The following CASD1 variants were observed in gnomAD, a reference collection of about 807,000 sequenced individuals.
The protein encoded by CASD1 is CAS1 domain sialic acid O acetyltransferase 1.
CASD1 carries 41 observed loss-of-function variants against 100.0 expected under a neutral mutation model. The ratio of observed to expected loss-of-function variants is 0.41; its 90% confidence interval spans 0.32 to 0.53. The LOEUF is 0.53. CASD1 is among the 20% of genes least tolerant of loss of function. The pLI is 0.25. For synonymous variants in CASD1, 321 were observed against 315.6 expected, an observed-to-expected ratio of 1.02 and a Z score of -0.18; for missense variants, 774 against 948.7, an observed-to-expected ratio of 0.82 and a Z score of 2.42.
chr7:94,523,502 G>A (rs1161150133), intron 3 of CASD1, among the ~76,000 whole-genome samples: 3 of 152,178 alleles, frequency 2.0e-5, no homozygotes, highest in Non-Finnish European at 4.4e-5. Context: ...AACAGCAAAT[G>A]TGGAAGATCT....
the CASD1 span, chr7:94,618,784 T>C: frequency 1.1e-5 from 17 of 1,613,898 alleles, no homozygotes; most frequent in East Asian, 3.6e-4. Flanking sequence ...TAATGGGAAG[T>C]GGCACCCTGC....
At chr7:94,561,348 C>T (rs1393479771), downstream of CASD1, among the ~76,000 whole-genome samples, 1 of 152,162 alleles carries the variant, frequency 6.6e-6, no homozygotes, top group Non-Finnish European at 1.5e-5. Flanking sequence ...CACAGAAGGT[C>T]ACTTCATTCA....
chr7:94,553,392 TG>T (rs1796041666), intron 16 of CASD1, among the ~76,000 whole-genome samples: 1 of 152,188 alleles, frequency 6.6e-6, no homozygotes. Context: ...TTGATGCTAT[TG>T]CCCATGAGAA....
the CASD1 span, among the ~76,000 whole-genome samples, chr7:94,582,218 A>C: frequency 1.1e-4 from 16 of 152,160 alleles, no homozygotes; most frequent in African/African-American, 3.4e-4. Flanking sequence ...CCAGAGTTTA[A>C]GTGATTCTCT....
chr7:94,625,017 C>T, the CASD1 span: 1 of 151,950 alleles, frequency 6.6e-6, no homozygotes, highest in Non-Finnish European at 1.5e-5. Context: ...TCCAATGAGA[C>T]ATTTAACTGC....
chr7:94,586,079 A>C, the CASD1 span, among the ~76,000 whole-genome samples: 1 of 150,466 alleles, frequency 6.6e-6, no homozygotes, highest in Non-Finnish European at 1.5e-5. Context: ...AAAAAAAAAA[A>C]AAAAAAAACA....
At chr7:94,585,304 T>C in the CASD1 span, 1 of 501,486 alleles carries the variant, frequency 2.0e-6, no homozygotes, top group Non-Finnish European at 3.6e-6. Context: ...TTACAAATTG[T>C]CAAAAATGCT....
At chr7:94,619,264 T>A in the CASD1 span, 2 of 245,556 alleles carry the variant, frequency 8.1e-6, no homozygotes, top group African/African-American at 4.6e-5. Flanking sequence ...AAATTTATAA[T>A]ATTACTGATC....
At chr7:94,515,929 A>G (rs1465238663) in intron 1 of CASD1, among the ~76,000 whole-genome samples, 3 of 152,176 alleles carry the variant, frequency 2.0e-5, no homozygotes, top group African/African-American at 4.8e-5. Context: ...CTAGGTTTTA[A>G]TAAGATTTTA....
At chr7:94,601,476 A>AAC in the CASD1 span, among the ~76,000 whole-genome samples, 2 of 134,948 alleles carry the variant, frequency 1.5e-5, no homozygotes, top group African/African-American at 2.7e-5. Context: ...AAAAAAAAAA[A>AAC]CTACAACAGT....
At chr7:94,622,629 CAAA>C in the CASD1 span, 7 of 73,000 alleles carry the variant, frequency 9.6e-5, no homozygotes, top group Admixed American at 1.5e-4. Flanking sequence ...GACTCCATCT[CAAA>C]AAAAAAAAAA....
At chr7:94,600,895 G>A in the CASD1 span, 23 of 1,481,102 alleles carry the variant, frequency 1.6e-5, no homozygotes, top group East Asian at 1.6e-4. Context: ...CAAATTAATC[G>A]TTGCAAACAT....
chr7:94,561,781 C>T (rs75259633), downstream of CASD1, among the ~76,000 whole-genome samples: 2,215 of 152,144 alleles, frequency 0.015, 49 homozygotes, highest in African/African-American at 0.05. Context: ...CGTCAGCTAG[C>T]TAATATCTAT....
In CASD1 at chr7:94,537,385, A is replaced by G. The variant is rs758419516; in HGVS notation, c.844-87A>G. ...ACGAAAGCATTCTGGTTTCAGTGCT[A>G]AAAACTCAGTAGTATTCACAGGAGA... On this transcript the variant is annotated intron_variant, in intron 8 of 17. Transcript: ENST00000297273. The G allele has an allele frequency of 6.1e-4, 751 of 1,232,214 alleles. 1 individual carries two copies. Among genetic ancestry groups the G allele is most frequent in the Non-Finnish European group, 8.0e-4 (700 of 877,464 alleles). The allele number at this position is 1,232,214 out of a possible 1,614,324, so 76.3% of individuals were successfully genotyped here.
the CASD1 span, among the ~76,000 whole-genome samples, chr7:94,577,473 G>A: frequency 6.6e-6 from 1 of 152,146 alleles, no homozygotes; most frequent in Non-Finnish European, 1.5e-5. Flanking sequence ...GTTGGGGAAT[G>A]CTTTAAAAAC....
the CASD1 span, among the ~76,000 whole-genome samples, chr7:94,594,058 T>A: frequency 6.6e-6 from 1 of 152,074 alleles, no homozygotes; most frequent in Admixed American, 6.6e-5. Flanking sequence ...AAGGCTAGAC[T>A]CTCTCTTGAC....
At chr7:94,541,265 C>T (rs973559539) in intron 10 of CASD1, among the ~76,000 whole-genome samples, 11 of 151,984 alleles carry the variant, frequency 7.2e-5, no homozygotes, top group African/African-American at 2.4e-4. Flanking sequence ...GTACTAAAAA[C>T]TTTTAACTGT....
chr7:94,520,458 T>C (rs1270629195), intron 3 of CASD1, among the ~76,000 whole-genome samples: 3 of 152,202 alleles, frequency 2.0e-5, no homozygotes, highest in Non-Finnish European at 4.4e-5. Context: ...GGAGACTAGT[T>C]CTGTGAGAAG....
chr7:94,605,876 C>T, the CASD1 span, among the ~76,000 whole-genome samples: 37 of 152,074 alleles, frequency 2.4e-4, no homozygotes, highest in Non-Finnish European at 1.6e-4. Context: ...CGCCCTGTCA[C>T]CCAGGCTGGA....
Sources: gnomAD v4.1 joint callset for allele counts (sites outside exome capture counted in the v4.1 genomes callset) on GRCh38, gnomAD v4.1.1 for gene constraint, MANE v1.5 for transcripts, NCBI Gene and HGNC (gene_info 2026-07-23, HGNC 2026-07-21) for gene names.